Variants in TIAM1 observed in about 807,000 individuals in gnomAD.
The protein encoded by TIAM1 is rho guanine nucleotide exchange factor TIAM1.
In TIAM1, 65 loss-of-function variants were observed where a neutral mutation model predicts 163.5. The ratio of observed to expected loss-of-function variants is 0.40; its 90% CI spans 0.33 to 0.49. TIAM1 has a LOEUF of 0.49. Among genes scored for constraint, TIAM1 ranks in the 20% least tolerant of loss-of-function variants. The probability of loss-of-function intolerance (pLI) is 0.77; values close to 1 mark genes in which losing one functional copy is unlikely to be tolerated. For missense variants in TIAM1, 1,789 were observed against 2,044.7 expected (o/e 0.87, Z 2.41); for synonymous variants, 833 against 810.1 (o/e 1.03, Z -0.48).
chr21:31,435,811 T>C (rs1228849806), intron 2 of TIAM1, among the ~76,000 whole-genome samples: 1 of 152,194 alleles, frequency 6.6e-6, no homozygotes, highest in Non-Finnish European at 1.5e-5. Context: ...TTAATGTCAC[T>C]GTCTTGGAAG....
chr21:31,518,023 TAACTC>T (rs1436467160), intron 1 of TIAM1, among the ~76,000 whole-genome samples: 2 of 152,144 alleles, frequency 1.3e-5, no homozygotes, highest in Non-Finnish European at 2.9e-5. Flanking sequence ...CTTGTAAAAA[TAACTC>T]AATAAAATAT....
intron 1 of TIAM1, among the ~76,000 whole-genome samples, chr21:31,487,458 C>T (rs2046309327): frequency 6.6e-6 from 1 of 152,136 alleles, no homozygotes; most frequent in Non-Finnish European, 1.5e-5. Flanking sequence ...ATAACCTCCG[C>T]CTCCTGGGTT....
In TIAM1 at chr21:31,446,242, CTG is replaced by C. The variant is rs1412098071; in HGVS notation, c.-369+17739_-369+17740del. Among the ~76,000 whole-genome samples the C allele has an allele frequency of 2.0e-5, 3 of 152,166 alleles. No homozygotes were observed. In the East Asian group the frequency reaches 5.8e-4, roughly 29 times the overall value. ...AGGTGTGAGCCACCTCGCCCTGCCA[CTG>C]TGTTTGTTTTTTAACTTACCCTACC... On this transcript the variant is annotated intron_variant, in intron 2 of 28. Coordinates refer to the TIAM1 transcript ENST00000286827.
chr21:31,237,181 A>C (rs1295179825), intron 6 of TIAM1, among the ~76,000 whole-genome samples: 1 of 152,178 alleles, frequency 6.6e-6, no homozygotes, highest in Non-Finnish European at 1.5e-5. Flanking sequence ...TCTTGCAGGG[A>C]CCATACCTCC....
At chr21:31,167,591 T>C (rs934283574) in intron 15 of TIAM1, among the ~76,000 whole-genome samples, 1 of 152,194 alleles carries the variant, frequency 6.6e-6, no homozygotes, top group African/African-American at 2.4e-5. Flanking sequence ...AGCCTAAGTA[T>C]ATCCATCAAT....
chr21:31,203,984 G>C (rs1170234588), intron 11 of TIAM1, among the ~76,000 whole-genome samples: 1 of 152,208 alleles, frequency 6.6e-6, no homozygotes, highest in African/African-American at 2.4e-5. Flanking sequence ...GGACCCTTTA[G>C]TCCAGGATGG....
At chr21:31,216,968 G>T (rs1294781028) in intron 9 of TIAM1, among the ~76,000 whole-genome samples, 2 of 152,214 alleles carry the variant, frequency 1.3e-5, no homozygotes, top group African/African-American at 4.8e-5. Context: ...AGCACTTGGG[G>T]AGGCTGAGGC....
intron 2 of TIAM1, among the ~76,000 whole-genome samples, chr21:31,443,685 G>GA (rs767355694): frequency 6.6e-6 from 1 of 152,102 alleles, no homozygotes; most frequent in Non-Finnish European, 1.5e-5. Context: ...CATCAGTGGT[G>GA]AATCTCTTTT....
chr21:31,209,548 C>T (rs887505738), intron 11 of TIAM1, among the ~76,000 whole-genome samples: 1 of 152,210 alleles, frequency 6.6e-6, no homozygotes, highest in Non-Finnish European at 1.5e-5. Context: ...TCCATTTTCC[C>T]CAATTCTAAA....
chr21:31,265,664 C>T (rs1045448089), intron 4 of TIAM1, among the ~76,000 whole-genome samples: 8 of 152,162 alleles, frequency 5.3e-5, no homozygotes, highest in African/African-American at 1.7e-4. Flanking sequence ...TGTTTTTCCA[C>T]GGGAAGGACC....
At chr21:31,158,529 G>A (rs1248272636) in intron 16 of TIAM1, among the ~76,000 whole-genome samples, 2 of 152,150 alleles carry the variant, frequency 1.3e-5, no homozygotes, top group African/African-American at 4.8e-5. Context: ...TTTGAATAAA[G>A]AATAAAAAGG....
chr21:31,503,790 G>T (rs2046942543), intron 1 of TIAM1, among the ~76,000 whole-genome samples: 1 of 150,930 alleles, frequency 6.6e-6, no homozygotes, highest in Non-Finnish European at 1.5e-5. Context: ...TGGAGAGGTT[G>T]AAAGACCAGG....
At chr21:31,377,574 G>A (rs1321077155) in intron 2 of TIAM1, among the ~76,000 whole-genome samples, 1 of 152,122 alleles carries the variant, frequency 6.6e-6, no homozygotes, top group Admixed American at 6.6e-5. Context: ...AGACACTGAT[G>A]CCAAGCCAAA....
At chr21:31,201,703 C>A (rs772448336) in intron 12 of TIAM1, among the ~76,000 whole-genome samples, 1 of 152,152 alleles carries the variant, frequency 6.6e-6, no homozygotes, top group African/African-American at 2.4e-5. Flanking sequence ...TGTTCAGTTC[C>A]GCTTTCTGTG....
intron 1 of TIAM1, among the ~76,000 whole-genome samples, chr21:31,471,707 TA>T (rs1024361716): frequency 1.8e-4 from 27 of 152,054 alleles, no homozygotes; most frequent in African/African-American, 5.8e-4. Flanking sequence ...CTATCTCTAC[TA>T]AAAATACAAA....
intron 1 of TIAM1, among the ~76,000 whole-genome samples, chr21:31,501,854 C>T (rs1602432056): frequency 6.7e-6 from 1 of 148,844 alleles, no homozygotes; most frequent in African/African-American, 2.5e-5. Context: ...CTGTCCACCT[C>T]GGCCTCCCAA....
rs2147044663 is a variant in TIAM1 at position 31,325,219 on chromosome 21, G to A, written c.-189+14024C>T. Reference sequence around the variant, plus strand: ...AGACCACTTGAGCCTAGGAGGTGGAGGTGCGGTAAGCTGTGATCAATCATG... The same window carrying A: ...AGACCACTTGAGCCTAGGAGGTGGAAGTGCGGTAAGCTGTGATCAATCATG... On this transcript the variant is annotated intron_variant, in intron 2 of 27. Transcript: ENST00000541036. Among the ~76,000 whole-genome samples the A allele has an allele frequency of 2.0e-5, 3 of 152,084 alleles. No homozygotes were observed. The South Asian group carries it at 6.2e-4, about 32-fold the overall frequency.
At chr21:31,358,087 G>A (rs1035152170) in intron 2 of TIAM1, among the ~76,000 whole-genome samples, 3 of 152,162 alleles carry the variant, frequency 2.0e-5, no homozygotes, top group Admixed American at 6.5e-5. Context: ...CGGGGGCTGT[G>A]GTCAGAAGGC....
intron 2 of TIAM1, among the ~76,000 whole-genome samples, chr21:31,322,848 G>C (rs1007264767): frequency 6.6e-6 from 1 of 152,164 alleles, no homozygotes; most frequent in African/African-American, 2.4e-5. Context: ...AGCAACCACT[G>C]GTCACTTCAG....
Sources: allele counts gnomAD v4.1 joint callset (sites outside exome capture counted in the v4.1 genomes callset), GRCh38; gene constraint gnomAD v4.1.1; transcripts MANE v1.5; gene names NCBI Gene and HGNC (gene_info 2026-07-23, HGNC 2026-07-21).